Variants in PAK1 observed in about 807,000 individuals in gnomAD.
PAK1 encodes the protein serine/threonine-protein kinase PAK 1.
PAK1 carries 29 observed loss-of-function variants against 67.4 expected under a neutral mutation model. The observed-to-expected ratio is 0.43, with a 90% CI of 0.32 to 0.59. The LOEUF is 0.59. PAK1 is among the 20% of genes least tolerant of loss of function. PAK1 has a pLI of 0.07. For synonymous variants in PAK1, 223 were observed against 237.4 expected, an observed-to-expected ratio of 0.94 and a Z score of 0.56; for missense variants, 337 against 670.7, an observed-to-expected ratio of 0.50 and a Z score of 5.50.
chr11:77,362,614 T>A (rs1231963857), intron 5 of PAK1, among the ~76,000 whole-genome samples: 1 of 152,232 alleles, frequency 6.6e-6, no homozygotes, highest in Non-Finnish European at 1.5e-5. Context: ...TCCTCAGTTA[T>A]GAAATACAGC....
chr11:77,354,008 T>C (rs1945652333), intron 7 of PAK1, among the ~76,000 whole-genome samples: 1 of 151,800 alleles, frequency 6.6e-6, no homozygotes, highest in Non-Finnish European at 1.5e-5. Context: ...ATATAATAAT[T>C]GCTGTGATAA....
At chr11:77,426,078 C>CTTTTTT (rs35602138) in intron 1 of PAK1, among the ~76,000 whole-genome samples, 1 of 117,240 alleles carries the variant, frequency 8.5e-6, no homozygotes, top group Non-Finnish European at 1.7e-5. Context: ...TTGAAGGCCT[C>CTTTTTT]TTTTTTTTTT....
chr11:77,495,429 G>A, the PAK1 span, among the ~76,000 whole-genome samples: 83 of 151,218 alleles, frequency 5.5e-4, no homozygotes, highest in South Asian at 0.014. Flanking sequence ...AGCCAAGATC[G>A]CACAACTGCA....
intron 5 of PAK1, among the ~76,000 whole-genome samples, chr11:77,369,625 T>C (rs1049211363): frequency 2.0e-5 from 3 of 151,836 alleles, no homozygotes; most frequent in Non-Finnish European, 4.4e-5. Context: ...TTTTTATATT[T>C]TTAGTAGAGA....
Position 77,339,628 on chromosome 11 carries a change from CATTTT to C in PAK1, c.1116+1013_1116+1017del, listed in dbSNP as rs376672780. On this transcript the variant is annotated intron_variant, in intron 11 of 14. Coordinates refer to ENST00000356341, the MANE Select transcript of PAK1 (RefSeq NM_002576.5). ...ATTTTCTAGGGCAGTATTGATTTCACATTTTATTTTTCTTAACACTGATTAAATAT... is the reference window on the plus strand; with the variant it reads ...ATTTTCTAGGGCAGTATTGATTTCACATTTTTCTTAACACTGATTAAATAT... Among the ~76,000 whole-genome samples the C allele has an allele frequency of 7.7e-4, 117 of 152,108 alleles. 1 individual carries two copies. The East Asian group carries it at 0.021, about 27-fold the overall frequency.
chr11:77,378,384 G>C (rs757196563), intron 4 of PAK1, among the ~76,000 whole-genome samples: 2 of 152,020 alleles, frequency 1.3e-5, no homozygotes, highest in Non-Finnish European at 2.9e-5. Context: ...CTTCTACCGA[G>C]GGTACATCTA....
At chr11:77,361,480 G>A (rs1946776848) in intron 5 of PAK1, among the ~76,000 whole-genome samples, 2 of 152,194 alleles carry the variant, frequency 1.3e-5, no homozygotes, top group African/African-American at 4.8e-5. Context: ...TAAAGTCAGA[G>A]AGGCGGTAAT....
At chr11:77,524,798 C>T in the PAK1 span, among the ~76,000 whole-genome samples, 4 of 152,092 alleles carry the variant, frequency 2.6e-5, no homozygotes, top group African/African-American at 9.7e-5. Flanking sequence ...TTTTGTTTTG[C>T]TTTATCTTTA....
chr11:77,391,760 T>C (rs1951170563), intron 2 of PAK1, among the ~76,000 whole-genome samples: 1 of 152,212 alleles, frequency 6.6e-6, no homozygotes, highest in Non-Finnish European at 1.5e-5. Flanking sequence ...TGATTACTCT[T>C]CTATTAACAG....
intron 1 of PAK1, among the ~76,000 whole-genome samples, chr11:77,472,820 A>T (rs1189835341): frequency 7.1e-6 from 1 of 141,690 alleles, no homozygotes; most frequent in African/African-American, 2.7e-5. Context: ...CAATTATCCA[A>T]GGGGTTTAAA....
intron 1 of PAK1, among the ~76,000 whole-genome samples, chr11:77,431,548 A>T (rs1955859983): frequency 6.6e-6 from 1 of 152,116 alleles, no homozygotes; most frequent in African/African-American, 2.4e-5. Flanking sequence ...TACCCCTTTC[A>T]CCAGAATGTG....
chr11:77,511,108 A>G, the PAK1 span, among the ~76,000 whole-genome samples: 3 of 152,214 alleles, frequency 2.0e-5, no homozygotes, highest in Non-Finnish European at 4.4e-5. Context: ...CAATCCTGAA[A>G]TACAGTCTAG....
At chr11:77,358,850 C>T (rs1946393145) in intron 6 of PAK1, 48 bp downstream of exon 6, 1 of 1,602,992 alleles carries the variant, frequency 6.2e-7, no homozygotes, top group Admixed American at 1.7e-5. Flanking sequence ...TCCCTCTCCC[C>T]ACTTACTCTA....
At chr11:77,392,907 T>C (rs1190085135) in intron 1 of PAK1, among the ~76,000 whole-genome samples, 1 of 152,224 alleles carries the variant, frequency 6.6e-6, no homozygotes, top group Non-Finnish European at 1.5e-5. Context: ...TTTCATTTAT[T>C]CATCTATGTG....
In PAK1 at chr11:77,466,460, G is replaced by A. The variant is rs552463386; in HGVS notation, c.-22+7092C>T. 4.6e-5 allele frequency among the ~76,000 whole-genome samples: 7 copies of A among 152,132 alleles called. No homozygotes were observed. The South Asian group carries it at 1.0e-3, about 23-fold the overall frequency. On this transcript the variant is annotated intron_variant, in intron 1 of 14. Transcript: ENST00000356341. ...CTACTAAAAATACAAAAAATTAGCC[G>A]GGCATGGTGGCACGCACCTGTGGTC...
At chr11:77,441,578 G>T (rs1234279402) in intron 1 of PAK1, among the ~76,000 whole-genome samples, 1 of 152,178 alleles carries the variant, frequency 6.6e-6, no homozygotes, top group Non-Finnish European at 1.5e-5. Context: ...CAGGTAGCTT[G>T]TGAGGCTCCA....
chr11:77,490,428 C>T, the PAK1 span, among the ~76,000 whole-genome samples: 309 of 149,766 alleles, frequency 2.1e-3, 1 homozygote, highest in African/African-American at 7.2e-3. Flanking sequence ...CCCCTCTGCC[C>T]GGCCAGCCGC....
the PAK1 span, among the ~76,000 whole-genome samples, chr11:77,512,122 G>A: frequency 4.8e-3 from 735 of 152,272 alleles, 6 homozygotes; most frequent in African/African-American, 0.017. Flanking sequence ...ACTGCCTCCA[G>A]GGTAGAAGAG....
chr11:77,391,594 T>G (rs909440138), intron 2 of PAK1, among the ~76,000 whole-genome samples: 2 of 152,182 alleles, frequency 1.3e-5, no homozygotes, highest in Admixed American at 1.3e-4. Flanking sequence ...GCCACTTAAA[T>G]CAACATTTTT....
Sources: allele counts gnomAD v4.1 joint callset (sites outside exome capture counted in the v4.1 genomes callset), GRCh38; gene constraint gnomAD v4.1.1; transcripts MANE v1.5; gene names NCBI Gene and HGNC (gene_info 2026-07-23, HGNC 2026-07-21).